Variants in TRRAP observed in about 807,000 individuals in gnomAD.
The protein encoded by TRRAP is transformation/transcription domain associated protein.
Under a neutral mutation model 438.8 loss-of-function variants are expected in TRRAP, and 41 were observed. The observed-to-expected ratio is 0.09, with a 90% confidence interval of 0.07 to 0.12. The LOEUF is 0.12. Ranked by LOEUF, TRRAP falls within the 10% of genes least tolerant of loss-of-function variation. The pLI is 1.00. For synonymous variants in TRRAP, 1,994 were observed against 1,962.9 expected, an observed-to-expected ratio of 1.02 and a Z score of -0.42; for missense variants, 3,122 against 5,055.1, an observed-to-expected ratio of 0.62 and a Z score of 11.60.
chr7:99,011,959 GC>G lies in TRRAP; in HGVS notation c.11338-109del, dbSNP rs1794448484. ...CTGGCCTGGTGCTGAAACTCGACTG[GC>G]CCTTGGTGGCCCTGAGCGGCCGCTG... On this transcript the variant is annotated intron_variant, in intron 72 of 72. Transcript: ENST00000456197. The surrounding 1 kb of genome is among the most constrained non-coding windows in gnomAD (Gnocchi z 7.1). 4 of 1,376,684 alleles carry G rather than the reference GC, an allele frequency of 2.9e-6. No individual in the cohort carries two copies. Among genetic ancestry groups the G allele is most frequent in the Non-Finnish European group, 4.0e-6 (4 of 1,012,170 alleles). The allele number at this position is 1,376,684 out of a possible 1,614,324, so 85.3% of individuals were successfully genotyped here.
chr7:99,002,589 TG>T (rs1474344427), intron 67 of TRRAP, among the ~76,000 whole-genome samples: 1 of 152,212 alleles, frequency 6.6e-6, no homozygotes, highest in African/African-American at 2.4e-5. Flanking sequence ...CTCGCGGCTC[TG>T]CTGGGGGATC....
intron 44 of TRRAP, 38 bp from the exon 45 acceptor site, chr7:98,959,306 G>T: frequency 6.2e-7 from 1 of 1,607,696 alleles, no homozygotes; most frequent in Non-Finnish European, 8.5e-7. Context: ...AAACTCGGAT[G>T]CAGTGAAATG....
chr7:98,903,453 T>G lies in TRRAP; in HGVS notation c.972T>G (p.Thr324=), dbSNP rs781823150. Reference sequence around the variant, plus strand: ...TACTTTCAAATTGTCCAGCAGAGACTGCACACCTCAGAAAGGAGCTTCTGA... The same window carrying G: ...TACTTTCAAATTGTCCAGCAGAGACGGCACACCTCAGAAAGGAGCTTCTGA... The part of the protein sequence containing the change: ...LQLLSNCPAE[T]AHLRKELLIA... The change falls in exon 12 of 73, where the codon ACT becomes ACG. Residue 324 remains threonine (T), a synonymous_variant. Transcript: ENST00000456197. 6.2e-7 allele frequency: 1 copy of G among 1,614,244 alleles called. No homozygotes were observed. The highest frequency in any genetic ancestry group is 1.1e-5 in the South Asian group (1 of 91,090).
Position 98,964,681 on chromosome 7 carries a change from C to A in TRRAP, c.6882C>A (p.Asp2294Glu). Reference sequence around the variant, plus strand: ...GCAGCAACAACCCCAGCTACATAGACAGGCTGATCTCCGTCTTTATGCGCT... The same window carrying A: ...GCAGCAACAACCCCAGCTACATAGAAAGGCTGATCTCCGTCTTTATGCGCT... ...SACSNNPSYIDRLISVFMRSL... is the reference protein window; with the variant it reads ...SACSNNPSYIERLISVFMRSL... Residue 2294 changes from aspartate (D) to glutamate (E), a missense_variant, in exon 48 of 73, where the codon GAC becomes GAA. By Grantham distance (45) the Asp-to-Glu change is conservative. Coordinates refer to ENST00000456197, the MANE Select transcript of TRRAP (RefSeq NM_001375524.1). The A allele has an allele frequency of 6.2e-7, 1 of 1,614,126 alleles. No individual in the cohort carries two copies. Among genetic ancestry groups the A allele is most frequent in the East Asian group, 2.2e-5 (1 of 44,882 alleles).
intron 12 of TRRAP, 49 bp downstream of exon 12, chr7:98,903,566 A>G: frequency 6.2e-7 from 1 of 1,606,554 alleles, no homozygotes; most frequent in Non-Finnish European, 8.5e-7. Flanking sequence ...TCCTGTGGCC[A>G]TCTTTGGGGA....
Position 98,947,230 on chromosome 7 carries a change from AC to A in TRRAP, c.4549-987del, listed in dbSNP as rs201311172. Among the ~76,000 whole-genome samples the A allele has an allele frequency of 6.1e-3, 935 of 152,298 alleles. 17 individuals carry two copies. The highest frequency in any genetic ancestry group is 0.021 in the African/African-American group (882 of 41,562). On this transcript the variant is annotated intron_variant, in intron 33 of 72. Transcript: ENST00000456197. Reference sequence around the variant, plus strand: ...GGGAAAGCTGGAGCAACAGCAGCCCACCCCTGAGCTGTGAGACAGTAGAACA... The same window carrying A: ...GGGAAAGCTGGAGCAACAGCAGCCCACCCTGAGCTGTGAGACAGTAGAACA...
rs782751174 is a variant in TRRAP at position 98,910,086 on chromosome 7, C to T, written c.1381C>T (p.Arg461Trp). 7.1e-6 allele frequency: 11 copies of T among 1,557,418 alleles called. No individual in the cohort carries two copies. Among genetic ancestry groups the T allele is most frequent in the African/African-American group, 1.4e-5 (1 of 73,106 alleles). Reference protein sequence around the residue: ...VFVLKFHTIARYQLSAIFKKC... With the variant: ...VFVLKFHTIAWYQLSAIFKKC... ...CGTTCTCAAATTCCACACAATTGCT[C>T]GGTACCAGCTCTCTGCCATTTTTAA... Residue 461 changes from arginine (R) to tryptophan (W), a missense_variant, in exon 15 of 73, where the codon CGG (arginine) becomes TGG (tryptophan). Coordinates refer to ENST00000456197, the MANE Select transcript of TRRAP (RefSeq NM_001375524.1).
At chr7:98,937,526 T>C (rs1790612171) in intron 29 of TRRAP, 124 bp from the exon 30 acceptor site, 19 of 1,156,564 alleles carry the variant, frequency 1.6e-5, no homozygotes, top group Non-Finnish European at 2.2e-5. Flanking sequence ...AAATAGTATA[T>C]GATTAATATT....
Position 98,995,889 on chromosome 7 carries a change from CT to C in TRRAP, c.10309+1042del, listed in dbSNP as rs939105087. ...CACGCATGTCCCATCATACACACCC[CT>C]GTCCCATCTACACACCCGCGTCCCA... On this transcript the variant is annotated intron_variant, in intron 67 of 72. Transcript: ENST00000456197. 1.4e-3 allele frequency among the ~76,000 whole-genome samples: 160 copies of C among 116,330 alleles called. 1 individual carries two copies. Among genetic ancestry groups the C allele is most frequent in the African/African-American group, 0.013 (139 of 10,676 alleles). 76.3% of individuals were successfully genotyped at this position (116,330 alleles called of 152,430 possible).
rs143292301 is a variant in TRRAP at position 98,964,771 on chromosome 7, C to T, written c.6972C>T (p.Thr2324=). ...PQAASGSTEA[T]SGTSELVMLS... is the part of the protein sequence containing the mutation. ...CAGCGTCAGGAAGCACCGAAGCCAC[C>T]TCAGGTGATGTGCTGGCCACCGGGG... The change falls in exon 48 of 73, where the codon ACC becomes ACT. Residue 2324 remains threonine, a synonymous_variant. Coordinates refer to ENST00000456197, the MANE Select transcript of TRRAP (RefSeq NM_001375524.1). The T allele has an allele frequency of 3.5e-4, 567 of 1,612,136 alleles. 1 individual carries two copies. Among genetic ancestry groups the T allele is most frequent in the Non-Finnish European group, 4.4e-4 (522 of 1,179,100 alleles).
rs138135702 is a variant in TRRAP, at chr7:98,910,824, C to T, written c.1812+217C>T. On this transcript the variant is annotated intron_variant, in intron 16 of 72. Coordinates refer to ENST00000456197, the MANE Select transcript of TRRAP (RefSeq NM_001375524.1). Reference sequence around the variant, plus strand: ...ATTTTTGAGGGGCAGATAGTGTAAACGGAATGCAATAAAAATATAAGACTT... The same window carrying T: ...ATTTTTGAGGGGCAGATAGTGTAAATGGAATGCAATAAAAATATAAGACTT... Among the ~76,000 whole-genome samples, 310 of 151,238 alleles carry T rather than the reference C, an allele frequency of 2.0e-3. 1 individual carries two copies. The highest frequency in any genetic ancestry group is 7.2e-3 in the African/African-American group (298 of 41,204).
intron 3 of TRRAP, among the ~76,000 whole-genome samples, chr7:98,886,314 CTATA>C (rs1205246958): frequency 1.6e-4 from 24 of 149,494 alleles, no homozygotes; most frequent in Admixed American, 1.1e-3. Flanking sequence ...ATATAGATAT[CTATA>C]TAGATAGAGA....
intron 63 of TRRAP, 135 bp downstream of exon 63, chr7:98,989,101 T>A (rs573774231): frequency 6.5e-6 from 6 of 929,574 alleles, no homozygotes; most frequent in Non-Finnish European, 9.6e-6. Flanking sequence ...TCCTCATCAC[T>A]GTTCGAAGTA....
At chr7:98,970,061 T>C (rs1792342365) in intron 51 of TRRAP, 51 bp from the exon 52 acceptor site, 28 of 1,592,418 alleles carry the variant, frequency 1.8e-5, no homozygotes, top group Non-Finnish European at 2.3e-5. Context: ...CCAGATGCCC[T>C]GAATGCCACG....
intron 7 of TRRAP, 134 bp from the exon 8 acceptor site, chr7:98,897,607 C>T (rs1796273885): frequency 8.4e-7 from 1 of 1,183,748 alleles, no homozygotes; most frequent in South Asian, 1.6e-5. Context: ...GTTGGTGCAG[C>T]ATAAAAATGT....
rs182176055 is a variant in TRRAP, at chr7:98,919,090, T to A, written c.2622+1411T>A. Among the ~76,000 whole-genome samples the A allele has an allele frequency of 1.7e-3, 264 of 151,986 alleles. 3 individuals carry two copies. The highest frequency in any genetic ancestry group is 5.7e-3 in the African/African-American group (238 of 41,434). On this transcript the variant is annotated intron_variant, in intron 20 of 72. Coordinates refer to ENST00000456197, the MANE Select transcript of TRRAP (RefSeq NM_001375524.1). ...GATCTGGTTGGTAATTGTTGGAGGG[T>A]TAGGGTGTGTGTCTCAAAGCATCTG...
rs1793385714 is a variant in TRRAP, at chr7:98,990,503, G to A, written c.9640G>A (p.Ala3214Thr). The A allele has an allele frequency of 6.2e-7, 1 of 1,613,910 alleles. No homozygotes were observed. Among genetic ancestry groups the A allele is most frequent in the African/African-American group, 1.3e-5 (1 of 74,930 alleles). Residue 3214 changes from alanine (A) to threonine (T), a missense_variant, in exon 64 of 73, where the codon GCC becomes ACC. Physicochemically the swap from Ala to Thr is moderately conservative, Grantham distance 58 (BLOSUM62 0). This residue lies in a region of TRRAP where 52 missense variants were observed against 88.3 expected (regional missense o/e 0.59). Coordinates refer to ENST00000456197, the MANE Select transcript of TRRAP (RefSeq NM_001375524.1). ...TGATGACAAAAACACTTTGGCAGAT[G>A]CCGTCGACAAGTACTGCATTGGTGT... is the stretch of plus-strand genomic sequence containing the variant. ...FDDDKNTLADAVDKYCIGVPP... is the reference protein window; with the variant it reads ...FDDDKNTLADTVDKYCIGVPP...
intron 52 of TRRAP, 101 bp downstream of exon 52, chr7:98,970,392 G>A: frequency 7.0e-7 from 1 of 1,422,658 alleles, no homozygotes. Flanking sequence ...GTGCCCCACG[G>A]GCAGAATCCC....
At chr7:98,922,205 C>T (rs1003690709) in intron 21 of TRRAP, among the ~76,000 whole-genome samples, 5 of 152,092 alleles carry the variant, frequency 3.3e-5, no homozygotes, top group Non-Finnish European at 5.9e-5. Context: ...CCCATCCCGC[C>T]GTGAACTCCT....
Sources: allele counts gnomAD v4.1 joint callset (sites outside exome capture counted in the v4.1 genomes callset), GRCh38; gene constraint gnomAD v4.1.1; regional missense constraint gnomAD v4.1.1; non-coding constraint Gnocchi (gnomAD v3.1); transcripts MANE v1.5; gene names NCBI Gene and HGNC (gene_info 2026-07-23, HGNC 2026-07-21).